The following CDH13 variants were observed in gnomAD, a reference collection of about 807,000 sequenced individuals.
CDH13 encodes the protein cadherin-13.
Under a neutral mutation model 63.8 loss-of-function variants are expected in CDH13, and 24 were observed. The ratio of observed to expected loss-of-function variants is 0.38; its 90% CI spans 0.27 to 0.53. CDH13 has a LOEUF of 0.53. Among genes scored for constraint, CDH13 ranks in the 20% least tolerant of loss-of-function variants. The pLI is 0.85. For synonymous variants in CDH13, 503 were observed against 355.3 expected (o/e 1.42, Z -4.67); for missense variants, 1,049 against 903.1 (o/e 1.16, Z -2.07).
chr16:83,186,355 T>A (rs1160174780), intron 4 of CDH13, among the ~76,000 whole-genome samples: 1 of 151,850 alleles, frequency 6.6e-6, no homozygotes, highest in Non-Finnish European at 1.5e-5. Context: ...GCCAGGAGGG[T>A]CTCAATCTCT....
At chr16:83,596,895 C>T (rs766927174) in intron 7 of CDH13, among the ~76,000 whole-genome samples, 2 of 152,082 alleles carry the variant, frequency 1.3e-5, no homozygotes, top group Non-Finnish European at 2.9e-5. Context: ...TCATAACAGG[C>T]CAATAAACTT....
chr16:83,246,020 A>G (rs955133861), intron 5 of CDH13, among the ~76,000 whole-genome samples: 1 of 152,236 alleles, frequency 6.6e-6, no homozygotes, highest in Non-Finnish European at 1.5e-5. Context: ...TGCAGGTGTG[A>G]ACCACTGCGC....
At chr16:83,349,654 G>A (rs963792321) in intron 6 of CDH13, among the ~76,000 whole-genome samples, 2 of 151,870 alleles carry the variant, frequency 1.3e-5, no homozygotes, top group Non-Finnish European at 2.9e-5. Context: ...AGGCTGGAGT[G>A]CAATAGTATG....
intron 1 of CDH13, among the ~76,000 whole-genome samples, chr16:82,852,068 A>G (rs999737022): frequency 3.9e-5 from 6 of 152,122 alleles, no homozygotes; most frequent in African/African-American, 1.4e-4. Flanking sequence ...ACCTTCTTGG[A>G]GCTGGTTTAA....
intron 5 of CDH13, among the ~76,000 whole-genome samples, chr16:83,304,214 A>C (rs2089821278): frequency 6.6e-6 from 1 of 152,204 alleles, no homozygotes; most frequent in Admixed American, 6.5e-5. Context: ...TTTATCCCAC[A>C]GAAACTGGGA....
At chr16:83,423,978 C>T (rs116447534) in intron 6 of CDH13, among the ~76,000 whole-genome samples, 1,641 of 152,272 alleles carry the variant, frequency 0.011, 24 homozygotes, top group African/African-American at 0.032. Context: ...AGAACTTCAC[C>T]TGGGAAACCA....
intron 3 of CDH13, among the ~76,000 whole-genome samples, chr16:83,053,836 C>T (rs2030640899): frequency 6.6e-6 from 1 of 152,098 alleles, no homozygotes; most frequent in Admixed American, 6.5e-5. Context: ...CTATGGGAAA[C>T]ACATTTCGAG....
At chr16:83,269,747 C>A (rs1423087815) in intron 5 of CDH13, among the ~76,000 whole-genome samples, 1 of 152,190 alleles carries the variant, frequency 6.6e-6, no homozygotes, top group East Asian at 1.9e-4. Flanking sequence ...CTTCCCTTCT[C>A]CTAGCCTTGC....
At chr16:82,685,315 C>G (rs1337448821) in intron 1 of CDH13, among the ~76,000 whole-genome samples, 1 of 152,198 alleles carries the variant, frequency 6.6e-6, no homozygotes, top group Non-Finnish European at 1.5e-5. Flanking sequence ...ATGGTGCCAT[C>G]TAGCCGTGTC....
At chr16:83,726,792 G>C (rs912143710) in intron 10 of CDH13, among the ~76,000 whole-genome samples, 7 of 151,268 alleles carry the variant, frequency 4.6e-5, no homozygotes, top group African/African-American at 1.2e-4. Flanking sequence ...GAGCGGAGAT[G>C]GCGCCACTGC....
intron 4 of CDH13, among the ~76,000 whole-genome samples, chr16:83,135,703 T>C (rs1490361763): frequency 4.6e-5 from 7 of 152,206 alleles, no homozygotes; most frequent in Non-Finnish European, 8.8e-5. Context: ...GAAGTCATTA[T>C]ATGAAAAAGA....
At chr16:82,838,986 C>G (rs9922081) in intron 1 of CDH13, among the ~76,000 whole-genome samples, 48,128 of 152,210 alleles carry the variant, frequency 0.32, 8,840 homozygotes, top group East Asian at 0.81. Context: ...TCTACTCTGC[C>G]ATTGTAGCAT....
chr16:82,860,479 C>T (rs1287268796), intron 2 of CDH13, among the ~76,000 whole-genome samples: 2 of 150,004 alleles, frequency 1.3e-5, no homozygotes, highest in African/African-American at 4.9e-5. Context: ...CTAGTAAATG[C>T]TAAATGGGAC....
chr16:82,756,939 C>T (rs1193845548), intron 1 of CDH13, among the ~76,000 whole-genome samples: 1 of 152,182 alleles, frequency 6.6e-6, no homozygotes, highest in Non-Finnish European at 1.5e-5. Flanking sequence ...TCTCTTGTCC[C>T]TTGCTACATC....
chr16:83,457,644 TAG>T (rs2073059911), intron 6 of CDH13, among the ~76,000 whole-genome samples: 1 of 152,006 alleles, frequency 6.6e-6, no homozygotes, highest in African/African-American at 2.4e-5. Context: ...GACTCTGCTT[TAG>T]AGAGATGAGT....
chr16:83,625,501 G>A (rs1304906916), intron 8 of CDH13, among the ~76,000 whole-genome samples: 1 of 152,206 alleles, frequency 6.6e-6, no homozygotes, highest in African/African-American at 2.4e-5. Context: ...AGCCGAGCCT[G>A]TTACCTGCTT....
intron 11 of CDH13, among the ~76,000 whole-genome samples, chr16:83,755,212 A>G (rs1297632227): frequency 6.6e-6 from 1 of 152,208 alleles, no homozygotes; most frequent in Admixed American, 6.5e-5. Flanking sequence ...AAAACTCAGT[A>G]AGTAGACTTA....
chr16:83,591,403 G>A (rs1906733434), intron 7 of CDH13, among the ~76,000 whole-genome samples: 1 of 152,228 alleles, frequency 6.6e-6, no homozygotes, highest in African/African-American at 2.4e-5. Context: ...GAATCTAACA[G>A]ATTAGCCTGT....
At chr16:83,262,511 A>T (rs926057346) in intron 5 of CDH13, among the ~76,000 whole-genome samples, 5 of 152,194 alleles carry the variant, frequency 3.3e-5, no homozygotes, top group African/African-American at 1.2e-4. Flanking sequence ...TTATACCGTG[A>T]GCCATTGGGA....
Sources: allele counts gnomAD v4.1 joint callset (sites outside exome capture counted in the v4.1 genomes callset), GRCh38; gene constraint gnomAD v4.1.1; transcripts MANE v1.5; gene names NCBI Gene and HGNC (gene_info 2026-07-23, HGNC 2026-07-21).